KLK9: variants seen among roughly 807,000 people sequenced by gnomAD.
The protein encoded by KLK9 is kallikrein-9.
A neutral mutation model predicts 23.3 loss-of-function variants in KLK9; 26 were observed. The ratio of observed to expected loss-of-function variants is 1.12; its 90% confidence interval spans 0.82 to 1.55. The LOEUF (loss-of-function observed/expected upper bound fraction) is 1.55. KLK9 is among the 40% of genes most tolerant of loss of function. The pLI, the probability that KLK9 is intolerant of heterozygous loss-of-function variation, is 0.00. For synonymous variants in KLK9, 122 were observed against 128.5 expected (o/e 0.95, Z 0.34); for missense variants, 346 against 333.7 (o/e 1.04, Z -0.29).
At position 51,003,014 on chromosome 19, in the gene KLK9, G is replaced by C; in HGVS notation, c.*97C>G. On this transcript the variant is annotated 3_prime_UTR_variant, in exon 5 of 5. Transcript: ENST00000594211. The stretch of plus-strand genomic sequence containing the variant: ...GGGAGTCAGGGCAGCTGGAGGTCCA[G>C]GGCGGGAACCATTGAGGCTGGGACC... 7.0e-7 allele frequency: 1 copy of C among 1,421,514 alleles called. No individual in the cohort carries two copies. Among genetic ancestry groups the C allele is most frequent in the South Asian group, 1.4e-5 (1 of 70,358 alleles). 88.1% of individuals were successfully genotyped at this position (1,421,514 alleles called of 1,614,324 possible). A position where few individuals can be genotyped will look rare whatever the true frequency, so the allele number is the denominator to read the frequency against.
rs771038044 is a variant in KLK9 at position 51,003,103 on chromosome 19, G to A, written c.*8C>T. 114 of 1,602,882 alleles carry A rather than the reference G, an allele frequency of 7.1e-5. No homozygotes were observed. Among genetic ancestry groups the A allele is most frequent in the Non-Finnish European group, 2.7e-5 (32 of 1,173,810 alleles). On this transcript the variant is annotated 3_prime_UTR_variant, in exon 5 of 5. Transcript: ENST00000594211. ...TGGTCTTCCAAGGTGCCCCCGTGGCGCGCGGGCTCAGTTCTCCATGATTTC... is the reference window on the plus strand; with the variant it reads ...TGGTCTTCCAAGGTGCCCCCGTGGCACGCGGGCTCAGTTCTCCATGATTTC...
rs1568559984 is a variant in KLK9 at position 51,009,520 on chromosome 19, G to T, written c.28C>A (p.Leu10Ile). MKLGLLCAL[L>I]SLLAGHGWAD... ...GGAGCCTCACCTGCCAGCAGAGAGA[G>T]CAGAGCACAGAGGAGTCCCAGCTTC... The change falls in exon 1 of 5, where the codon CTC becomes ATC. Residue 10 changes from leucine (L) to isoleucine (I), a missense_variant. By Grantham distance (5) the Leu-to-Ile change is conservative. Coordinates refer to ENST00000594211, the MANE Select transcript of KLK9 (RefSeq NM_012315.2). The surrounding 1 kb of genome is among the most constrained non-coding windows in gnomAD (Gnocchi z 4.8). 6.2e-7 allele frequency: 1 copy of T among 1,612,748 alleles called. No individual in the cohort carries two copies. The highest frequency in any genetic ancestry group is 8.5e-7 in the Non-Finnish European group (1 of 1,179,510).
At chr19:51,007,458 G>A (rs2091260135) in intron 2 of KLK9, among the ~76,000 whole-genome samples, 1 of 151,850 alleles carries the variant, frequency 6.6e-6, no homozygotes, top group African/African-American at 2.4e-5. Context: ...AGAAACATCT[G>A]TGTCTGTCTC....
rs1248657349 is a variant in KLK9 at position 51,002,960 on chromosome 19, C to G, written c.*151G>C. On this transcript the variant is annotated 3_prime_UTR_variant, in exon 5 of 5. Transcript: ENST00000594211. ...TGCTTGACCTCGTGAGGGGGCGGAG[C>G]CTCAGGGGCGGAGTCTTAGTGTCCA... The G allele has an allele frequency of 1.4e-5, 13 of 933,390 alleles. No homozygotes were observed. The highest frequency in any genetic ancestry group is 2.0e-5 in the Non-Finnish European group (13 of 636,394). 57.8% of individuals were successfully genotyped at this position (933,390 alleles called of 1,614,324 possible).
Position 51,009,189 on chromosome 19 carries a change from C to G in KLK9, c.194G>C (p.Arg65Pro), listed in dbSNP as rs942944016. Residue 65 changes from arginine (R) to proline (P), a missense_variant, in exon 2 of 5, where the codon CGC becomes CCC. Arg to Pro is a moderately radical substitution (Grantham distance 103, BLOSUM62 -2). Transcript: ENST00000594211. This position sits in a 1 kb window ranked among gnomAD's most constrained non-coding sequence, Gnocchi z 4.8. ...DRWLLTAAHCRKPYLWVRLGE... is the reference protein window; with the variant it reads ...DRWLLTAAHCPKPYLWVRLGE... ...GCCAGCCTGGGTCACTCACGGCTTG[C>G]GGCAGTGGGCAGCTGTGAGCAGCCA... The G allele has an allele frequency of 6.2e-7, 1 of 1,605,774 alleles. No homozygotes were observed. The highest frequency in any genetic ancestry group is 8.5e-7 in the Non-Finnish European group (1 of 1,178,136).
intron 3 of KLK9, 55 bp from the exon 4 acceptor site, chr19:51,003,895 C>T (rs1217239840): frequency 3.9e-6 from 6 of 1,521,766 alleles, no homozygotes; most frequent in Non-Finnish European, 4.5e-6. Context: ...ACACTCAGCA[C>T]CCCACTGCCC....
rs776087775 is a variant in KLK9, at chr19:51,003,840, G to T, written c.467C>A (p.Ala156Glu). ...ACACTGCAGTGTGACTGGAAACAGC[G>T]CTGTCAGGGAAGAGAACTGTCAAGG... ...SGWGAVSSPKALFPVTLQCAN... is the reference protein window; with the variant it reads ...SGWGAVSSPKELFPVTLQCAN... The change falls in exon 4 of 5, where the codon GCG becomes GAG. Residue 156 changes from alanine (A) to glutamate (E), a missense_variant and splice_region_variant. Coordinates refer to ENST00000594211, the MANE Select transcript of KLK9 (RefSeq NM_012315.2). The T allele has an allele frequency of 1.2e-6, 2 of 1,613,442 alleles. No homozygotes were observed. The highest frequency in any genetic ancestry group is 1.1e-5 in the South Asian group (1 of 91,068).
rs1404833304 is a variant in KLK9 at position 51,009,475 on chromosome 19, G to T, written c.43+30C>A. 3 of 1,599,256 alleles carry T rather than the reference G, an allele frequency of 1.9e-6. No individual in the cohort carries two copies. The highest frequency in any genetic ancestry group is 1.3e-5 in the African/African-American group (1 of 74,754). ...AGAGCAAGGTGACCTTAGTACAGCCGTGAAGGGGCAGCCAGCCTGGGAGCC... is the reference window on the plus strand; with the variant it reads ...AGAGCAAGGTGACCTTAGTACAGCCTTGAAGGGGCAGCCAGCCTGGGAGCC... On this transcript the variant is annotated intron_variant, in intron 1 of 4. Transcript: ENST00000594211. This position sits in a 1 kb window ranked among gnomAD's most constrained non-coding sequence, Gnocchi z 4.8.
intron 4 of KLK9, 84 bp from the exon 5 acceptor site, chr19:51,003,344 G>T (rs2091242659): frequency 2.1e-6 from 3 of 1,401,054 alleles, no homozygotes; most frequent in South Asian, 2.8e-5. Flanking sequence ...TCCCAGAAAG[G>T]CCCCAGCCCC....
rs922183313 is a variant in KLK9, at chr19:51,009,223, T to C, written c.160A>G (p.Ser54Gly). 9.3e-6 allele frequency: 15 copies of C among 1,610,034 alleles called. No individual in the cohort carries two copies. The highest frequency in any genetic ancestry group is 1.2e-5 in the Non-Finnish European group (14 of 1,179,208). The stretch of plus-strand genomic sequence containing the variant: ...GCAGCTGTGAGCAGCCAGCGGTCAC[T>C]GATGAGGGTCGCCCCACAGAAGAGC... ...TRLFCGATLISDRWLLTAAHC... is the reference protein window; with the variant it reads ...TRLFCGATLIGDRWLLTAAHC... The change falls in exon 2 of 5, where the codon AGT (serine) becomes GGT (glycine). Residue 54 changes from serine to glycine, a missense_variant. Ser to Gly is a moderately conservative substitution (Grantham distance 56). Coordinates refer to ENST00000594211, the MANE Select transcript of KLK9 (RefSeq NM_012315.2). This position sits in a 1 kb window ranked among gnomAD's most constrained non-coding sequence, Gnocchi z 4.8.
In KLK9 at chr19:51,006,671, C is replaced by T; in HGVS notation, c.253G>A (p.Glu85Lys). 1 of 1,610,114 alleles carries T rather than the reference C, an allele frequency of 6.2e-7. No individual in the cohort carries two copies. Among genetic ancestry groups the T allele is most frequent in the Non-Finnish European group, 8.5e-7 (1 of 1,177,724 alleles). Residue 85 changes from glutamate (E) to lysine (K), a missense_variant, in exon 3 of 5, where the codon GAG becomes AAG. Physicochemically the swap from Glu to Lys is moderately conservative, Grantham distance 56. Transcript: ENST00000594211. The surrounding 1 kb of genome is among the most constrained non-coding windows in gnomAD (Gnocchi z 4.1). ...AAGTCCGTAACCCGGAACAGCTGCT[C>T]CGGACCCTCCCATTTCCAGAGGTGG... ...EHHLWKWEGP[E>K]QLFRVTDFFP...
chr19:51,004,494 A>T (rs1294754072), intron 3 of KLK9, among the ~76,000 whole-genome samples: 1 of 150,310 alleles, frequency 6.7e-6, no homozygotes, highest in African/African-American at 2.4e-5. Context: ...AGGTCAAGAG[A>T]TTGAGACCAT....
intron 2 of KLK9, among the ~76,000 whole-genome samples, chr19:51,007,808 G>C (rs2091261398): frequency 6.6e-6 from 1 of 152,026 alleles, no homozygotes. Flanking sequence ...TGCATCAGGT[G>C]GATTCCAGGA....
In KLK9 at chr19:51,009,504, C is replaced by T. The variant is rs748161036; in HGVS notation, c.43+1G>A. ...AGGGGCAGCCAGCCTGGGAGCCTCA[C>T]CTGCCAGCAGAGAGAGCAGAGCACA... On this transcript the variant is annotated splice_donor_variant, in intron 1 of 4. Transcript: ENST00000594211. LOFTEE classifies it high-confidence loss of function. The surrounding 1 kb of genome is among the most constrained non-coding windows in gnomAD (Gnocchi z 4.8). 2 of 1,609,134 alleles carry T rather than the reference C, an allele frequency of 1.2e-6. No individual in the cohort carries two copies. Among genetic ancestry groups the T allele is most frequent in the Admixed American group, 1.7e-5 (1 of 59,304 alleles).
Position 51,006,461 on chromosome 19 carries a change from T to C in KLK9, c.463A>G (p.Lys155Glu). 6.2e-7 allele frequency: 1 copy of C among 1,609,412 alleles called. No homozygotes were observed. The highest frequency in any genetic ancestry group is 1.1e-5 in the South Asian group (1 of 90,582). The change falls in exon 3 of 5, where the codon AAG (lysine) becomes GAG (glutamate). Residue 155 changes from lysine (K) to glutamate (E), a missense_variant. By Grantham distance (56) the Lys-to-Glu change is moderately conservative. Coordinates refer to ENST00000594211, the MANE Select transcript of KLK9 (RefSeq NM_012315.2). This position sits in a 1 kb window ranked among gnomAD's most constrained non-coding sequence, Gnocchi z 4.1. The stretch of plus-strand genomic sequence containing the variant: ...AGAGTTCTGGGCCAGGTCATACCCT[T>C]GGGGCTGGACACGGCCCCCCAGCCT... The part of the protein sequence containing the change: ...ISGWGAVSSP[K>E]ALFPVTLQCA...
Position 51,009,220 on chromosome 19 carries a change from C to A in KLK9, c.163G>T (p.Asp55Tyr). Residue 55 changes from aspartate (D) to tyrosine (Y), a missense_variant, in exon 2 of 5, where the codon GAC (aspartate) becomes TAC (tyrosine). Asp to Tyr is a radical substitution (Grantham distance 160). Coordinates refer to ENST00000594211, the MANE Select transcript of KLK9 (RefSeq NM_012315.2). This position sits in a 1 kb window ranked among gnomAD's most constrained non-coding sequence, Gnocchi z 4.8. ...RLFCGATLIS[D>Y]RWLLTAAHCR... Reference sequence around the variant, plus strand: ...TGGGCAGCTGTGAGCAGCCAGCGGTCACTGATGAGGGTCGCCCCACAGAAG... The same window carrying A: ...TGGGCAGCTGTGAGCAGCCAGCGGTAACTGATGAGGGTCGCCCCACAGAAG... The A allele has an allele frequency of 6.2e-7, 1 of 1,610,150 alleles. No individual in the cohort carries two copies. Among genetic ancestry groups the A allele is most frequent in the South Asian group, 1.1e-5 (1 of 90,348 alleles).
rs762650669 is a variant in KLK9 at position 51,009,305 on chromosome 19, G to T, written c.78C>A (p.Ala26=). The change falls in exon 2 of 5, where the codon GCC becomes GCA. Residue 26 remains alanine, a synonymous_variant. Coordinates refer to ENST00000594211, the MANE Select transcript of KLK9 (RefSeq NM_012315.2). The surrounding 1 kb of genome is among the most constrained non-coding windows in gnomAD (Gnocchi z 4.8). The part of the protein sequence containing the change: ...HGWADTRAIG[A]EECRPNSQPW... ...GCTGGGAGTTGGGGCGACATTCCTC[G>T]GCCCCGATGGCACGGGTGTCTGCCC... 2 of 1,594,578 alleles carry T rather than the reference G, an allele frequency of 1.3e-6. No homozygotes were observed. The highest frequency in any genetic ancestry group is 1.8e-4 in the Middle Eastern group (1 of 5,708).
rs149922887 is a variant in KLK9, at chr19:51,006,657, C to G, written c.267G>C (p.Arg89=). ...WKWEGPEQLF[R]VTDFFPHPGF... is the part of the protein sequence containing the mutation. ...CAGGGTGGGGGAAGAAGTCCGTAAC[C>G]CGGAACAGCTGCTCCGGACCCTCCC... Residue 89 remains arginine, a synonymous_variant, in exon 3 of 5, where the codon CGG becomes CGC. Transcript: ENST00000594211. This position sits in a 1 kb window ranked among gnomAD's most constrained non-coding sequence, Gnocchi z 4.1. 3.3e-5 allele frequency: 54 copies of G among 1,612,588 alleles called. No individual in the cohort carries two copies. Among genetic ancestry groups the G allele is most frequent in the Non-Finnish European group, 4.0e-5 (47 of 1,179,188 alleles).
chr19:51,004,155 C>G (rs1021559423), intron 3 of KLK9, among the ~76,000 whole-genome samples: 1 of 151,682 alleles, frequency 6.6e-6, no homozygotes, highest in Non-Finnish European at 1.5e-5. Context: ...GCCCAGCCAA[C>G]ATGGTGAAAC....
Sources: gnomAD v4.1 joint callset for allele counts (sites outside exome capture counted in the v4.1 genomes callset) on GRCh38, gnomAD v4.1.1 for gene constraint, Gnocchi (gnomAD v3.1) non-coding constraint, MANE v1.5 for transcripts, NCBI Gene and HGNC (gene_info 2026-07-23, HGNC 2026-07-21) for gene names.